Variants in GLYATL2 observed in about 807,000 individuals in gnomAD.
GLYATL2 encodes glycine-N-acyltransferase like 2, also known as glycine N-acyltransferase-like protein 2.
A neutral mutation model predicts 21.4 loss-of-function variants in GLYATL2; 25 were observed. That is an observed-to-expected ratio of 1.17 (90% CI 0.85 to 1.63). The LOEUF (loss-of-function observed/expected upper bound fraction) is 1.63. Ranked by LOEUF, GLYATL2 falls within the 40% of genes most tolerant of loss-of-function variation. The probability of loss-of-function intolerance (pLI) is 0.00; values close to 1 mark genes in which losing one functional copy is unlikely to be tolerated. For missense variants in GLYATL2, 361 were observed against 343.3 expected (o/e 1.05, Z -0.41); for synonymous variants, 114 against 118.2 (o/e 0.96, Z 0.23).
At chr11:58,861,019 G>A (rs1853921662) in intron 1 of GLYATL2, among the ~76,000 whole-genome samples, 1 of 151,978 alleles carries the variant, frequency 6.6e-6, no homozygotes, top group African/African-American at 2.4e-5. Context: ...TTTTATTGAT[G>A]CACCTATGTT....
rs563407986 is a variant in GLYATL2 at position 58,899,310 on chromosome 11, C to T, written n.60+4846G>A. ...TACAGGGCAAAGCTGTCTCCCTCCA[C>T]TCCCAACCGTTTCTCAGTCAGTGTG... On this transcript the variant is annotated intron_variant and non_coding_transcript_variant, in intron 1 of 4. Transcript: ENST00000533636. Among the ~76,000 whole-genome samples, 23 of 152,278 alleles carry T rather than the reference C, an allele frequency of 1.5e-4. No homozygotes were observed. The South Asian group carries it at 2.5e-3, about 16-fold the overall frequency.
chr11:58,866,202 G>A (rs1854021151), intron 1 of GLYATL2, among the ~76,000 whole-genome samples: 1 of 148,738 alleles, frequency 6.7e-6, no homozygotes, highest in Non-Finnish European at 1.5e-5. Flanking sequence ...TTCCACTTTG[G>A]TGTCAAGTTT....
At chr11:58,843,858 G>A (rs1853595973) in intron 1 of GLYATL2, among the ~76,000 whole-genome samples, 1 of 152,154 alleles carries the variant, frequency 6.6e-6, no homozygotes, top group Non-Finnish European at 1.5e-5. Context: ...CAGAGTAGGA[G>A]CCAAGAAGGG....
At chr11:58,908,595 T>C (rs1854966610), upstream of GLYATL2, 1 of 168,246 alleles carries the variant, frequency 5.9e-6, no homozygotes, top group Non-Finnish European at 1.3e-5. Flanking sequence ...AGTCTAACCG[T>C]GGTGCCAATT....
At chr11:58,843,139 A>C (rs1853583026) in intron 1 of GLYATL2, among the ~76,000 whole-genome samples, 1 of 152,294 alleles carries the variant, frequency 6.6e-6, no homozygotes, top group South Asian at 2.1e-4. Context: ...TTAAGTGAGG[A>C]CTAATTTTAT....
chr11:58,852,097 A>T (rs1565093198), intron 1 of GLYATL2, among the ~76,000 whole-genome samples: 1 of 152,256 alleles, frequency 6.6e-6, no homozygotes, highest in Non-Finnish European at 1.5e-5. Flanking sequence ...TAAAGTCTTC[A>T]TTAAGATATT....
Position 58,882,167 on chromosome 11 carries a change from C to T in GLYATL2, n.60+21989G>A, listed in dbSNP as rs541975583. Among the ~76,000 whole-genome samples the T allele has an allele frequency of 3.3e-5, 5 of 152,356 alleles. 1 individual carries two copies. The South Asian group carries it at 1.0e-3, about 32-fold the overall frequency. On this transcript the variant is annotated intron_variant and non_coding_transcript_variant, in intron 1 of 4. Coordinates refer to the GLYATL2 transcript ENST00000533636. ...TGAGGAATCACCGCACTGTCTTCCA[C>T]AATGGCTGAACTAGTTTACACTCCC...
intron 3 of GLYATL2, among the ~76,000 whole-genome samples, chr11:58,837,813 A>C (rs1225750715): frequency 6.6e-6 from 1 of 152,212 alleles, no homozygotes; most frequent in Non-Finnish European, 1.5e-5. Context: ...CTTGGTGTGC[A>C]TGTGAATAGA....
upstream of GLYATL2, chr11:58,907,680 A>G (rs151118885): frequency 5.2e-6 from 1 of 192,838 alleles, no homozygotes; most frequent in East Asian, 1.3e-4. Flanking sequence ...ATACTTCCTG[A>G]TTTTTGACTA....
rs960288598 is a variant in GLYATL2 at position 58,877,254 on chromosome 11, G to A, written n.60+26902C>T. Among the ~76,000 whole-genome samples the A allele has an allele frequency of 2.0e-4, 31 of 152,298 alleles. 1 individual carries two copies. The highest frequency in any genetic ancestry group is 4.6e-4 in the Admixed American group (7 of 15,308). Reference sequence around the variant, plus strand: ...TGCTTCCCAGGTGAGGCGATGCCTCGCCCTGCTTTGGCTCATGTATGGTGT... The same window carrying A: ...TGCTTCCCAGGTGAGGCGATGCCTCACCCTGCTTTGGCTCATGTATGGTGT... On this transcript the variant is annotated intron_variant and non_coding_transcript_variant, in intron 1 of 4. Coordinates refer to the GLYATL2 transcript ENST00000533636.
rs544287106 is a variant in GLYATL2, at chr11:58,882,885, T to C, written n.60+21271A>G. On this transcript the variant is annotated intron_variant and non_coding_transcript_variant, in intron 1 of 4. Coordinates refer to the GLYATL2 transcript ENST00000533636. ...TCAGATGGTTGTAGATGTGTGGTATTATTTCTGAAGGCTCTGTTCTGTTCC... is the reference window on the plus strand; with the variant it reads ...TCAGATGGTTGTAGATGTGTGGTATCATTTCTGAAGGCTCTGTTCTGTTCC... 8.5e-5 allele frequency among the ~76,000 whole-genome samples: 13 copies of C among 152,336 alleles called. 1 individual carries two copies. The highest frequency in any genetic ancestry group is 3.1e-4 in the African/African-American group (13 of 41,578).
chr11:58,843,341 T>C (rs1310681134), intron 1 of GLYATL2, among the ~76,000 whole-genome samples: 2 of 152,198 alleles, frequency 1.3e-5, no homozygotes, highest in African/African-American at 4.8e-5. Flanking sequence ...AGGGTTTAAA[T>C]GGCTTTTGAT....
intron 1 of GLYATL2, among the ~76,000 whole-genome samples, chr11:58,875,064 G>C (rs1720582510): frequency 6.6e-6 from 1 of 152,104 alleles, no homozygotes; most frequent in Non-Finnish European, 1.5e-5. Context: ...TGTCTCTTTT[G>C]ATCTTTGTTG....
intron 2 of GLYATL2, 152 bp downstream of exon 2, chr11:58,839,383 G>A (rs1853503000): frequency 2.2e-6 from 1 of 454,140 alleles, no homozygotes; most frequent in East Asian, 3.3e-5. Context: ...AGCAAAGTGG[G>A]TGATTGACTG....
At position 58,834,557 on chromosome 11, in the gene GLYATL2, C is replaced by T; in HGVS notation, c.757G>A (p.Glu253Lys). 1 of 1,613,830 alleles carries T rather than the reference C, an allele frequency of 6.2e-7. No homozygotes were observed. Among genetic ancestry groups the T allele is most frequent in the Non-Finnish European group, 8.5e-7 (1 of 1,179,864 alleles). Residue 253 changes from glutamate (E) to lysine (K), a missense_variant, in exon 6 of 6, where the codon GAA (glutamate) becomes AAA (lysine). Physicochemically the swap from Glu to Lys is moderately conservative, Grantham distance 56. Transcript: ENST00000287275. ...YHLEKYLSQK[E>K]IPFYFHVADN... ...GCCACATGGAAATAAAATGGGATTT[C>T]TTTCTGAGAAAGATACTTTTCAAGA...
intron 1 of GLYATL2, among the ~76,000 whole-genome samples, chr11:58,881,004 A>G (rs968846336): frequency 6.6e-6 from 1 of 152,216 alleles, no homozygotes; most frequent in African/African-American, 2.4e-5. Context: ...TCCATGGTTT[A>G]CTTCTCTTAC....
intron 1 of GLYATL2, among the ~76,000 whole-genome samples, chr11:58,856,901 T>C (rs1853838167): frequency 6.6e-6 from 1 of 152,242 alleles, no homozygotes; most frequent in African/African-American, 2.4e-5. Context: ...GGAAAAATGG[T>C]GCCAGTAGAC....
At chr11:58,893,852 A>G (rs573015360) in intron 1 of GLYATL2, among the ~76,000 whole-genome samples, 1 of 152,326 alleles carries the variant, frequency 6.6e-6, no homozygotes, top group Admixed American at 6.5e-5. Flanking sequence ...CACCTAATCT[A>G]TATGGATACT....
At chr11:58,862,134 T>A (rs1853943420) in intron 1 of GLYATL2, among the ~76,000 whole-genome samples, 1 of 152,174 alleles carries the variant, frequency 6.6e-6, no homozygotes, top group African/African-American at 2.4e-5. Context: ...GAATATATCA[T>A]TCCATGCTCT....
Sources: gnomAD v4.1 joint callset for allele counts (sites outside exome capture counted in the v4.1 genomes callset) on GRCh38, gnomAD v4.1.1 for gene constraint, MANE v1.5 for transcripts, NCBI Gene and HGNC (gene_info 2026-07-23, HGNC 2026-07-21) for gene names.